AGBL4: variants seen among roughly 807,000 people sequenced by gnomAD.
AGBL4 encodes cytosolic carboxypeptidase 6.
AGBL4 carries 58 observed loss-of-function variants against 66.4 expected under a neutral mutation model. The ratio of observed to expected loss-of-function variants is 0.87; its 90% CI spans 0.71 to 1.09. The LOEUF (loss-of-function observed/expected upper bound fraction) is 1.09, where lower values mean the gene tolerates loss of function less well. AGBL4 is among the 50% of genes least tolerant of loss of function. The probability of loss-of-function intolerance (pLI) is 0.00; values close to 1 mark genes in which losing one functional copy is unlikely to be tolerated. For missense variants in AGBL4, 579 were observed against 631.0 expected, an observed-to-expected ratio of 0.92 and a Z score of 0.88; for synonymous variants, 234 against 222.9, an observed-to-expected ratio of 1.05 and a Z score of -0.44.
At chr1:48,727,215 A>G (rs1264516554) in intron 6 of AGBL4, among the ~76,000 whole-genome samples, 2 of 152,236 alleles carry the variant, frequency 1.3e-5, no homozygotes, top group Non-Finnish European at 2.9e-5. Context: ...ATACTCATCT[A>G]ACATTATCAC....
chr1:49,875,187 G>C (rs1479985752), intron 1 of AGBL4, among the ~76,000 whole-genome samples: 6 of 147,350 alleles, frequency 4.1e-5, no homozygotes, highest in African/African-American at 1.0e-4. Context: ...TTAAGTTTTA[G>C]GGTACATGTG....
chr1:48,715,026 G>A (rs377651919), intron 6 of AGBL4, among the ~76,000 whole-genome samples: 11 of 152,312 alleles, frequency 7.2e-5, no homozygotes, highest in Admixed American at 3.3e-4. Flanking sequence ...ATAAAGCAGA[G>A]GAAAAGGACG....
intron 5 of AGBL4, among the ~76,000 whole-genome samples, chr1:48,970,415 T>A (rs1376397154): frequency 1.3e-5 from 2 of 152,192 alleles, no homozygotes; most frequent in Non-Finnish European, 2.9e-5. Flanking sequence ...TGGAAGTTTA[T>A]CATGTCTAAA....
intron 2 of AGBL4, among the ~76,000 whole-genome samples, chr1:49,700,539 T>G (rs1647071694): frequency 1.3e-5 from 2 of 152,106 alleles, no homozygotes; most frequent in South Asian, 4.1e-4. Flanking sequence ...ACACATTACA[T>G]TTATAGAACT....
At chr1:49,741,577 G>A (rs950316661) in intron 2 of AGBL4, among the ~76,000 whole-genome samples, 1 of 152,062 alleles carries the variant, frequency 6.6e-6, no homozygotes, top group East Asian at 1.9e-4. Flanking sequence ...TGATACCAAA[G>A]CCTGGCTGAG....
At chr1:48,910,112 TC>T (rs1480825411) in intron 5 of AGBL4, among the ~76,000 whole-genome samples, 1 of 152,200 alleles carries the variant, frequency 6.6e-6, no homozygotes, top group African/African-American at 2.4e-5. Context: ...GAATTTTGTC[TC>T]AATGTATAAT....
At chr1:48,671,814 T>C (rs983932951) in intron 6 of AGBL4, among the ~76,000 whole-genome samples, 73 of 152,200 alleles carry the variant, frequency 4.8e-4, no homozygotes, top group African/African-American at 1.7e-3. Context: ...ATGTTCTCAG[T>C]AAATACTTGT....
intron 3 of AGBL4, among the ~76,000 whole-genome samples, chr1:49,461,159 G>A (rs1402539260): frequency 6.6e-6 from 1 of 151,592 alleles, no homozygotes; most frequent in East Asian, 1.9e-4. Context: ...GCAAGGCTGG[G>A]GAAGTTTTCC....
At chr1:49,397,642 C>T (rs2148604903) in intron 3 of AGBL4, among the ~76,000 whole-genome samples, 1 of 152,112 alleles carries the variant, frequency 6.6e-6, no homozygotes, top group South Asian at 2.1e-4. Context: ...AAAAAGCAAA[C>T]AAACAAACAA....
intron 2 of AGBL4, among the ~76,000 whole-genome samples, chr1:49,736,073 T>A (rs995433536): frequency 6.6e-6 from 1 of 151,926 alleles, no homozygotes; most frequent in South Asian, 2.1e-4. Context: ...ATGCACATAC[T>A]GGCAATCTCA....
rs1392953163 is a variant in AGBL4, at chr1:48,662,800, G to T, written c.724+352C>A. On this transcript the variant is annotated intron_variant, in intron 7 of 13. Transcript: ENST00000371839. ...TCTGCCAACATACACATTGACCTGGGGCCAGATTTCTTGCTGTTGTAAACC... is the reference window on the plus strand; with the variant it reads ...TCTGCCAACATACACATTGACCTGGTGCCAGATTTCTTGCTGTTGTAAACC... 2.0e-5 allele frequency among the ~76,000 whole-genome samples: 3 copies of T among 152,090 alleles called. No homozygotes were observed. In the East Asian group the frequency reaches 5.8e-4, roughly 29 times the overall value.
At chr1:48,522,841 G>A in the AGBL4 span, among the ~76,000 whole-genome samples, 552 of 151,618 alleles carry the variant, frequency 3.6e-3, 5 homozygotes, top group East Asian at 0.038. Flanking sequence ...CAGAAGAATC[G>A]CTTGAACCTG....
intron 9 of AGBL4, among the ~76,000 whole-genome samples, chr1:48,609,115 A>G (rs72681003): frequency 0.14 from 21,755 of 152,172 alleles, 1,663 homozygotes; most frequent in South Asian, 0.19. Context: ...GAGGAGGCCA[A>G]GATGTGGATA....
rs189150003 is a variant in AGBL4, at chr1:48,752,470, C to A, written c.635-89229G>T. Reference sequence around the variant, plus strand: ...CAGACCAGTGAGTTTGAAATCAAGTCCAGGCATGGTTGTAAAACAGAGTGT... The same window carrying A: ...CAGACCAGTGAGTTTGAAATCAAGTACAGGCATGGTTGTAAAACAGAGTGT... On this transcript the variant is annotated intron_variant, in intron 6 of 13. Transcript: ENST00000371839. Among the ~76,000 whole-genome samples, 15 of 152,190 alleles carry A rather than the reference C, an allele frequency of 9.9e-5. No individual in the cohort carries two copies. In the East Asian group the frequency reaches 2.9e-3, roughly 29 times the overall value.
rs1649474198 is a variant in AGBL4 at position 49,221,277 on chromosome 1, C to T, written c.377+24493G>A. Among the ~76,000 whole-genome samples, 3 of 152,058 alleles carry T rather than the reference C, an allele frequency of 2.0e-5. No individual in the cohort carries two copies. In the South Asian group the frequency reaches 6.2e-4, roughly 32 times the overall value. ...GCTGAGTCTTAAAGGTCATCTCTAA[C>T]TCCCTGAGATTATAGGATCCCCACT... is the stretch of plus-strand genomic sequence containing the variant. On this transcript the variant is annotated intron_variant, in intron 4 of 13. Transcript: ENST00000371839.
chr1:49,104,700 G>A (rs1431760607), intron 4 of AGBL4, among the ~76,000 whole-genome samples: 3 of 152,230 alleles, frequency 2.0e-5, no homozygotes, highest in South Asian at 4.1e-4. Flanking sequence ...CCAAGCCATG[G>A]AAAGAAAGCT....
At chr1:48,586,973 T>C in intron 11 of AGBL4, 31 bp downstream of exon 11, 1 of 1,608,570 alleles carries the variant, frequency 6.2e-7, no homozygotes, top group Non-Finnish European at 8.5e-7. Context: ...GGATGAGGGC[T>C]GGCCCAAGGC....
intron 4 of AGBL4, among the ~76,000 whole-genome samples, chr1:49,134,121 A>G (rs1434851184): frequency 1.3e-5 from 2 of 152,028 alleles, no homozygotes; most frequent in Admixed American, 1.3e-4. Flanking sequence ...CGTAAAACCA[A>G]TAAGTTTTTA....
rs115388109 is a variant in AGBL4 at position 48,671,615 on chromosome 1, C to T, written c.635-8374G>A. Among the ~76,000 whole-genome samples the T allele has an allele frequency of 8.2e-3, 1,242 of 152,308 alleles. 12 individuals carry two copies. Among genetic ancestry groups the T allele is most frequent in the African/African-American group, 0.028 (1,147 of 41,560 alleles). ...CTTGTAAGAATTAAATGAGACAATGCTTCAGGTCTATGTATATGACTTGAT... is the reference window on the plus strand; with the variant it reads ...CTTGTAAGAATTAAATGAGACAATGTTTCAGGTCTATGTATATGACTTGAT... On this transcript the variant is annotated intron_variant, in intron 6 of 13. Transcript: ENST00000371839.
Sources: gnomAD v4.1 joint callset for allele counts (sites outside exome capture counted in the v4.1 genomes callset) on GRCh38, gnomAD v4.1.1 for gene constraint, MANE v1.5 for transcripts, NCBI Gene and HGNC (gene_info 2026-07-23, HGNC 2026-07-21) for gene names.